Variants in PTPN12 observed in about 807,000 individuals in gnomAD.
PTPN12 encodes protein tyrosine phosphatase non-receptor type 12.
Under a neutral mutation model 97.6 loss-of-function variants are expected in PTPN12, and 29 were observed. The observed-to-expected ratio is 0.30, with a 90% CI of 0.22 to 0.41. The LOEUF (loss-of-function observed/expected upper bound fraction) is 0.41, where lower values mean the gene tolerates loss of function less well. Among genes scored for constraint, PTPN12 ranks in the 10% least tolerant of loss-of-function variants. PTPN12 has a pLI of 1.00. For missense variants in PTPN12, 819 were observed against 926.0 expected, an observed-to-expected ratio of 0.88 and a Z score of 1.50; for synonymous variants, 327 against 300.4, an observed-to-expected ratio of 1.09 and a Z score of -0.91.
At position 77,588,783 on chromosome 7, in the gene PTPN12, G is replaced by A. The variant is rs557771714; in HGVS notation, c.420+3202G>A. Among the ~76,000 whole-genome samples the A allele has an allele frequency of 2.6e-5, 4 of 152,214 alleles. No individual in the cohort carries two copies. The East Asian group carries it at 5.8e-4, about 22-fold the overall frequency. On this transcript the variant is annotated intron_variant, in intron 5 of 17. Coordinates refer to ENST00000248594, the MANE Select transcript of PTPN12 (RefSeq NM_002835.4). ...GCTATCTATGGACTGAAATAGAGAG[G>A]TATTTTTAAATAGGAATAAAATTGA...
chr7:77,637,726 ATCTGCCTG>A, intron 16 of PTPN12, among the ~76,000 whole-genome samples: 1 of 151,320 alleles, frequency 6.6e-6, no homozygotes, highest in Non-Finnish European at 1.5e-5. Flanking sequence ...GCGTCATGCC[ATCTGCCTG>A]TAATCCCAGC....
At chr7:77,593,940 C>G (rs1787944452) in intron 6 of PTPN12, among the ~76,000 whole-genome samples, 1 of 152,152 alleles carries the variant, frequency 6.6e-6, no homozygotes, top group Non-Finnish European at 1.5e-5. Flanking sequence ...AATTTTATGA[C>G]TTAGTTATAC....
At chr7:77,599,507 G>A (rs1788127289) in intron 7 of PTPN12, among the ~76,000 whole-genome samples, 1 of 152,048 alleles carries the variant, frequency 6.6e-6, no homozygotes, top group Non-Finnish European at 1.5e-5. Flanking sequence ...TCAGGCTGCT[G>A]TCAAATTCCT....
At chr7:77,622,623 T>C (rs1050426239) in intron 12 of PTPN12, among the ~76,000 whole-genome samples, 9 of 151,442 alleles carry the variant, frequency 5.9e-5, no homozygotes, top group African/African-American at 2.2e-4. Context: ...CAAAAAAAAT[T>C]AGCTGGGCGT....
chr7:77,619,672 A>G (rs572571212), intron 12 of PTPN12, among the ~76,000 whole-genome samples: 1 of 152,268 alleles, frequency 6.6e-6, no homozygotes, highest in African/African-American at 2.4e-5. Context: ...AAAATACTTT[A>G]CTTCATTGTA....
Position 77,563,689 on chromosome 7 carries a change from A to T in PTPN12, c.100-7389A>T, listed in dbSNP as rs188344480. On this transcript the variant is annotated intron_variant, in intron 1 of 17. Coordinates refer to ENST00000248594, the MANE Select transcript of PTPN12 (RefSeq NM_002835.4). ...TTCAAAGTTACTTTCTTTATTATCA[A>T]TCCTGAGTTGGCTTCAAATGAGGAG... Among the ~76,000 whole-genome samples, 5 of 152,290 alleles carry T rather than the reference A, an allele frequency of 3.3e-5. No homozygotes were observed. In the East Asian group the frequency reaches 9.7e-4, roughly 29 times the overall value.
In PTPN12 at chr7:77,616,928, G is replaced by A. The variant is rs187841658; in HGVS notation, c.940-1552G>A. Among the ~76,000 whole-genome samples the A allele has an allele frequency of 1.4e-3, 219 of 152,100 alleles. 1 individual carries two copies. The highest frequency in any genetic ancestry group is 5.1e-3 in the African/African-American group (212 of 41,502). The stretch of plus-strand genomic sequence containing the variant: ...CTCCCAAGTAACTGGAATTACAGAC[G>A]TGCACCACCACGCCTGGCTAATTTT... On this transcript the variant is annotated intron_variant, in intron 11 of 17. Coordinates refer to ENST00000248594, the MANE Select transcript of PTPN12 (RefSeq NM_002835.4).
At chr7:77,544,111 A>G (rs912120426) in intron 1 of PTPN12, among the ~76,000 whole-genome samples, 2 of 152,198 alleles carry the variant, frequency 1.3e-5, no homozygotes, top group Admixed American at 6.5e-5. Context: ...AAGCTGCTGC[A>G]CATATTACAT....
At chr7:77,636,327 A>C (rs570277786) in intron 15 of PTPN12, among the ~76,000 whole-genome samples, 2 of 152,058 alleles carry the variant, frequency 1.3e-5, no homozygotes, top group East Asian at 3.9e-4. Context: ...TCATGTCTGT[A>C]ATCACAGCAC....
intron 9 of PTPN12, among the ~76,000 whole-genome samples, chr7:77,609,102 C>A (rs958998352): frequency 6.6e-6 from 1 of 152,008 alleles, no homozygotes; most frequent in Non-Finnish European, 1.5e-5. Context: ...CGCCTGTAAT[C>A]CCAGTTACTT....
At chr7:77,638,059 AAC>A (rs1789669516) in intron 16 of PTPN12, among the ~76,000 whole-genome samples, 1 of 142,278 alleles carries the variant, frequency 7.0e-6, no homozygotes, top group Non-Finnish European at 1.5e-5. Context: ...CTGGGTTCAC[AAC>A]ATTCTCCTGC....
intron 5 of PTPN12, among the ~76,000 whole-genome samples, chr7:77,587,787 T>C (rs578102662): frequency 2.4e-4 from 37 of 152,368 alleles, no homozygotes; most frequent in African/African-American, 8.4e-4. Flanking sequence ...GTTTCATCAG[T>C]GCTCTTAGCT....
At chr7:77,575,410 A>T (rs571196085) in intron 2 of PTPN12, among the ~76,000 whole-genome samples, 8 of 152,192 alleles carry the variant, frequency 5.3e-5, no homozygotes, top group African/African-American at 1.9e-4. Context: ...CAGTAGGCTG[A>T]TGTGGGAGGA....
Position 77,610,846 on chromosome 7 carries a change from T to C in PTPN12, c.840+4T>C, listed in dbSNP as rs1384788800. 6 of 1,599,456 alleles carry C rather than the reference T, an allele frequency of 3.8e-6. No individual in the cohort carries two copies. The highest frequency in any genetic ancestry group is 5.1e-6 in the Non-Finnish European group (6 of 1,176,070). On this transcript the variant is annotated splice_donor_region_variant and intron_variant, in intron 10 of 17. Transcript: ENST00000248594. ...GCATTCTGCAGTACAAACAAAGGTA[T>C]AGTTGTTTGTTTCCCTTTATAAACT... is the stretch of plus-strand genomic sequence containing the variant.
chr7:77,567,139 A>G (rs1004935072), intron 1 of PTPN12, among the ~76,000 whole-genome samples: 1 of 151,722 alleles, frequency 6.6e-6, no homozygotes, highest in African/African-American at 2.4e-5. Context: ...TAGAGTTTAA[A>G]TGAACTTTGG....
intron 12 of PTPN12, among the ~76,000 whole-genome samples, chr7:77,622,523 A>C (rs1204898222): frequency 6.6e-6 from 1 of 152,158 alleles, no homozygotes; most frequent in Non-Finnish European, 1.5e-5. Context: ...TAATCCCAGC[A>C]CTTTGGGAGG....
chr7:77,550,446 T>A (rs1807430318), intron 1 of PTPN12, among the ~76,000 whole-genome samples: 1 of 152,236 alleles, frequency 6.6e-6, no homozygotes, highest in Non-Finnish European at 1.5e-5. Context: ...TCCATCAGTT[T>A]ACTTTTATAA....
intron 12 of PTPN12, among the ~76,000 whole-genome samples, chr7:77,620,389 A>G (rs774682630): frequency 1.1e-4 from 16 of 152,216 alleles, no homozygotes; most frequent in Non-Finnish European, 1.9e-4. Context: ...TTAGGCATAC[A>G]TTCTAAAAGT....
At chr7:77,618,766 A>G (rs1380637978) in intron 12 of PTPN12, among the ~76,000 whole-genome samples, 1 of 152,196 alleles carries the variant, frequency 6.6e-6, no homozygotes, top group Admixed American at 6.5e-5. Flanking sequence ...TTTCAATAAT[A>G]TACTGTAGCA....
Sources: allele counts gnomAD v4.1 joint callset (sites outside exome capture counted in the v4.1 genomes callset), GRCh38; gene constraint gnomAD v4.1.1; transcripts MANE v1.5; gene names NCBI Gene and HGNC (gene_info 2026-07-23, HGNC 2026-07-21).